The following PPP1R12B variants were observed in gnomAD, a reference collection of about 807,000 sequenced individuals.
PPP1R12B encodes the protein protein phosphatase 1 regulatory subunit 12B.
A neutral mutation model predicts 126.1 loss-of-function variants in PPP1R12B; 76 were observed. The ratio of observed to expected loss-of-function variants is 0.60; its 90% CI spans 0.50 to 0.73. The LOEUF (loss-of-function observed/expected upper bound fraction) is 0.73. Among genes scored for constraint, PPP1R12B ranks in the 30% least tolerant of loss-of-function variants. The probability of loss-of-function intolerance (pLI) is 0.00; values close to 1 mark genes in which losing one functional copy is unlikely to be tolerated. For missense variants in PPP1R12B, 1,052 were observed against 1,205.1 expected (o/e 0.87, Z 1.88); for synonymous variants, 356 against 434.7 (o/e 0.82, Z 2.25).
chr1:202,455,591 C>T (rs865971837), intron 13 of PPP1R12B, among the ~76,000 whole-genome samples: 3 of 152,122 alleles, frequency 2.0e-5, no homozygotes, highest in Non-Finnish European at 4.4e-5. Context: ...ATAGATAATG[C>T]CACATTTTGT....
intron 13 of PPP1R12B, chr1:202,474,067 T>G: frequency 1.7e-5 from 8 of 472,544 alleles, no homozygotes; most frequent in South Asian, 1.2e-4. Context: ...TGGGAAAAAG[T>G]AGCTCTAAAG....
intron 18 of PPP1R12B, among the ~76,000 whole-genome samples, chr1:202,552,998 T>C (rs1686477765): frequency 6.6e-6 from 1 of 152,216 alleles, no homozygotes; most frequent in African/African-American, 2.4e-5. Context: ...ATTTCACAAA[T>C]CAAAACCAGT....
intron 5 of PPP1R12B, among the ~76,000 whole-genome samples, chr1:202,427,793 C>T (rs748811242): frequency 3.3e-5 from 5 of 151,834 alleles, no homozygotes; most frequent in Non-Finnish European, 7.4e-5. Flanking sequence ...TACAGGCACA[C>T]GCCGCCACGC....
intron 15 of PPP1R12B, 94 bp downstream of exon 15, chr1:202,493,411 A>C: frequency 4.6e-6 from 6 of 1,316,352 alleles, no homozygotes; most frequent in Non-Finnish European, 5.2e-6. Context: ...GCTGTGTTCT[A>C]CCTTGCAATG....
intron 1 of PPP1R12B, among the ~76,000 whole-genome samples, chr1:202,413,057 A>G (rs527752775): frequency 6.6e-6 from 1 of 152,110 alleles, no homozygotes; most frequent in Middle Eastern, 3.4e-3. Flanking sequence ...CATAGAAGAA[A>G]TATAATTTCT....
chr1:202,551,994 C>A (rs1686377492), intron 18 of PPP1R12B, among the ~76,000 whole-genome samples: 1 of 152,182 alleles, frequency 6.6e-6, no homozygotes, highest in African/African-American at 2.4e-5. Flanking sequence ...TCCTTGATTT[C>A]AGACCGTTGA....
At position 202,370,909 on chromosome 1, in the gene PPP1R12B, C is replaced by G. The variant is rs142006653; in HGVS notation, c.291+21767C>G. ...GTGGTTGTACCATTTTATACTACCC[C>G]TAGCAATGAATTAGAATTCTGTTTG... On this transcript the variant is annotated intron_variant, in intron 1 of 23. Coordinates refer to ENST00000608999, the MANE Select transcript of PPP1R12B (RefSeq NM_002481.4). Among the ~76,000 whole-genome samples, 9 of 152,070 alleles carry G rather than the reference C, an allele frequency of 5.9e-5. No homozygotes were observed. In the East Asian group the frequency reaches 1.7e-3, roughly 29 times the overall value.
intron 10 of PPP1R12B, chr1:202,438,651 TGAG>T (rs1023862759): frequency 9.3e-6 from 5 of 538,238 alleles, no homozygotes; most frequent in African/African-American, 5.7e-5. Flanking sequence ...AAGCAGCTGT[TGAG>T]GAAGAAGACG....
chr1:202,468,044 A>G (rs1227822651), intron 13 of PPP1R12B, among the ~76,000 whole-genome samples: 1 of 152,018 alleles, frequency 6.6e-6, no homozygotes, highest in Non-Finnish European at 1.5e-5. Context: ...GTCTGTTCAT[A>G]TCCTTTGCCC....
intron 18 of PPP1R12B, among the ~76,000 whole-genome samples, chr1:202,528,854 T>C (rs552729900): frequency 6.6e-6 from 1 of 152,260 alleles, no homozygotes; most frequent in South Asian, 2.1e-4. Context: ...TGTATACATA[T>C]ATTTGAAATC....
At position 202,495,633 on chromosome 1, in the gene PPP1R12B, G is replaced by A. The variant is rs1412714639; in HGVS notation, c.2399G>A (p.Arg800Gln). ...AGGCTGTCCATCCGAGAGAGGAGGC[G>A]GCCCAAGGAACGACGAAGAGGCACA... Reference protein sequence around the residue: ...SKRLSIRERRRPKERRRGTGI... With the variant: ...SKRLSIRERRQPKERRRGTGI... The change falls in exon 17 of 24, where the codon CGG becomes CAG. Residue 800 changes from arginine to glutamine, a missense_variant. Coordinates refer to ENST00000608999, the MANE Select transcript of PPP1R12B (RefSeq NM_002481.4). 3.1e-6 allele frequency: 5 copies of A among 1,613,926 alleles called. No homozygotes were observed. Among genetic ancestry groups the A allele is most frequent in the Admixed American group, 3.3e-5 (2 of 59,970 alleles).
At chr1:202,359,534 C>T (rs1197921818) in intron 1 of PPP1R12B, among the ~76,000 whole-genome samples, 1 of 151,924 alleles carries the variant, frequency 6.6e-6, no homozygotes, top group African/African-American at 2.4e-5. Context: ...ATAATCCTAG[C>T]ACTGGGAGGC....
intron 1 of PPP1R12B, among the ~76,000 whole-genome samples, chr1:202,398,645 G>A (rs1189503971): frequency 3.3e-5 from 5 of 152,128 alleles, no homozygotes; most frequent in South Asian, 2.1e-4. Context: ...GTTGTGTCTG[G>A]CACAGGATCA....
At chr1:202,390,788 A>T (rs1345806790) in intron 1 of PPP1R12B, among the ~76,000 whole-genome samples, 1 of 150,766 alleles carries the variant, frequency 6.6e-6, no homozygotes, top group Non-Finnish European at 1.5e-5. Flanking sequence ...AGCCACCACC[A>T]CTCCTGGCCT....
intron 13 of PPP1R12B, among the ~76,000 whole-genome samples, chr1:202,486,153 A>T (rs1425890579): frequency 6.6e-6 from 1 of 152,182 alleles, no homozygotes; most frequent in Non-Finnish European, 1.5e-5. Flanking sequence ...AAGTGTTGGG[A>T]TTACAGGCAT....
At chr1:202,538,860 C>G (rs1684820791) in intron 18 of PPP1R12B, among the ~76,000 whole-genome samples, 1 of 152,232 alleles carries the variant, frequency 6.6e-6, no homozygotes, top group African/African-American at 2.4e-5. Context: ...GCACTACTGT[C>G]TGTTTTCTCT....
At chr1:202,394,025 C>A (rs1664532417) in intron 1 of PPP1R12B, among the ~76,000 whole-genome samples, 1 of 152,162 alleles carries the variant, frequency 6.6e-6, no homozygotes, top group Non-Finnish European at 1.5e-5. Flanking sequence ...TATAATATGT[C>A]CCCATTTACG....
intron 18 of PPP1R12B, among the ~76,000 whole-genome samples, chr1:202,519,987 AG>A (rs1371075748): frequency 6.6e-6 from 1 of 152,196 alleles, no homozygotes; most frequent in Non-Finnish European, 1.5e-5. Context: ...ATTCCTTTGT[AG>A]AGTGGTGATC....
intron 2 of PPP1R12B, among the ~76,000 whole-genome samples, chr1:202,418,558 C>G (rs1315791042): frequency 9.2e-5 from 14 of 151,906 alleles, no homozygotes; most frequent in Admixed American, 8.5e-4. Flanking sequence ...ATAACAATCT[C>G]TAGCTCAAAC....
Sources: gnomAD v4.1 joint callset for allele counts (sites outside exome capture counted in the v4.1 genomes callset) on GRCh38, gnomAD v4.1.1 for gene constraint, MANE v1.5 for transcripts, NCBI Gene and HGNC (gene_info 2026-07-23, HGNC 2026-07-21) for gene names.